Variants in WNT3 observed in about 807,000 individuals in gnomAD.
WNT3 encodes proto-oncogene Wnt-3.
Under a neutral mutation model 34.2 loss-of-function variants are expected in WNT3, and 7 were observed. That is an observed-to-expected ratio of 0.20 (90% confidence interval 0.12 to 0.38). WNT3 has a LOEUF of 0.38. Ranked by LOEUF, WNT3 falls within the 10% of genes least tolerant of loss-of-function variation. WNT3 has a pLI of 1.00. For missense variants in WNT3, 267 were observed against 499.8 expected (o/e 0.53, Z 4.44); for synonymous variants, 212 against 211.5 (o/e 1.00, Z -0.02).
In WNT3 at chr17:46,769,896, T is replaced by C; in HGVS notation, c.475A>G (p.Ser159Gly). 6.2e-7 allele frequency: 1 copy of C among 1,613,580 alleles called. No individual in the cohort carries two copies. The highest frequency in any genetic ancestry group is 8.5e-7 in the Non-Finnish European group (1 of 1,179,902). The change falls in exon 3 of 5, where the codon AGC (serine) becomes GGC (glycine). Residue 159 changes from serine (S) to glycine (G), a missense_variant. Ser to Gly is a moderately conservative substitution (Grantham distance 56). Transcript: ENST00000225512. ...AACACGCCGAAGTCAGCGTCCTCGC[T>C]GCAGCCGCCCCACTTCCAGCCTTCG... is the stretch of plus-strand genomic sequence containing the variant. ...PGEGWKWGGC[S>G]EDADFGVLVS...
At chr17:46,773,633 C>CCA in intron 2 of WNT3, 35 bp downstream of exon 2, 6 of 628,158 alleles carry the variant, frequency 9.6e-6, no homozygotes, top group South Asian at 1.7e-5. Flanking sequence ...TCCCCCCACC[C>CCA]AGCCCCTCCC....
At chr17:46,797,684 G>A (rs1285217093) in intron 1 of WNT3, among the ~76,000 whole-genome samples, 4 of 152,154 alleles carry the variant, frequency 2.6e-5, no homozygotes, top group African/African-American at 4.8e-5. Flanking sequence ...TGTGCACAGC[G>A]AGATGCACAT....
intron 1 of WNT3, among the ~76,000 whole-genome samples, chr17:46,775,459 G>A (rs1440108970): frequency 6.6e-6 from 1 of 152,162 alleles, no homozygotes; most frequent in East Asian, 1.9e-4. Flanking sequence ...TTGTCAGGGG[G>A]AGAGGCAGGT....
At chr17:46,766,898 C>T (rs185025830) in intron 4 of WNT3, among the ~76,000 whole-genome samples, 9 of 152,282 alleles carry the variant, frequency 5.9e-5, no homozygotes, top group East Asian at 5.8e-4. Flanking sequence ...GCCCTGTCCT[C>T]GGTGTCCTTT....
In WNT3 at chr17:46,768,883, C is replaced by G; in HGVS notation, c.589-84G>C. 6.4e-7 allele frequency: 1 copy of G among 1,550,606 alleles called. No individual in the cohort carries two copies. The highest frequency in any genetic ancestry group is 8.7e-7 in the Non-Finnish European group (1 of 1,151,384). ...GCCTTCCCTCTCTGCCACTGCCCAC[C>G]CCCTTCCCTCCAGCCTTCTCTACTC... is the stretch of plus-strand genomic sequence containing the variant. On this transcript the variant is annotated intron_variant, in intron 3 of 4. Coordinates refer to ENST00000225512, the MANE Select transcript of WNT3 (RefSeq NM_030753.5). This position sits in a 1 kb window ranked among gnomAD's most constrained non-coding sequence, Gnocchi z 5.0.
At chr17:46,794,845 GGTTCA>G (rs1324024081) in intron 1 of WNT3, among the ~76,000 whole-genome samples, 5 of 151,228 alleles carry the variant, frequency 3.3e-5, no homozygotes, top group Non-Finnish European at 5.9e-5. Flanking sequence ...GCACCTCCCA[GGTTCA>G]AGTGATTCTC....
At chr17:46,808,034 C>T (rs769894606) in intron 1 of WNT3, among the ~76,000 whole-genome samples, 2 of 152,102 alleles carry the variant, frequency 1.3e-5, no homozygotes, top group Non-Finnish European at 1.5e-5. Flanking sequence ...CTTTCTAGCA[C>T]GTATATGATG....
At chr17:46,766,431 G>C (rs2059314173) in intron 4 of WNT3, among the ~76,000 whole-genome samples, 1 of 152,026 alleles carries the variant, frequency 6.6e-6, no homozygotes, top group Non-Finnish European at 1.5e-5. Flanking sequence ...AGTTCTGCTG[G>C]GCTCCCATTG....
chr17:46,811,761 C>A (rs2084279328), intron 1 of WNT3, among the ~76,000 whole-genome samples: 1 of 152,164 alleles, frequency 6.6e-6, no homozygotes, highest in Non-Finnish European at 1.5e-5. Context: ...TCGAGACCAG[C>A]CTGGCCAACA....
chr17:46,810,004 CTTTTTTT>C (rs11292601), intron 1 of WNT3, among the ~76,000 whole-genome samples: 1 of 126,390 alleles, frequency 7.9e-6, no homozygotes, highest in Non-Finnish European at 1.6e-5. Flanking sequence ...TTCTTTCTTT[CTTTTTTT>C]TTTTTTTTTT....
chr17:46,790,756 C>A (rs2083974357), intron 1 of WNT3, among the ~76,000 whole-genome samples: 1 of 152,258 alleles, frequency 6.6e-6, no homozygotes, highest in Admixed American at 6.5e-5. Flanking sequence ...GATCCAGCAG[C>A]CATGAAGAAG....
At chr17:46,797,941 T>C (rs2084075302) in intron 1 of WNT3, among the ~76,000 whole-genome samples, 1 of 152,180 alleles carries the variant, frequency 6.6e-6, no homozygotes, top group South Asian at 2.1e-4. Context: ...TTTTGTTTGT[T>C]GGTTTTTTGT....
intron 1 of WNT3, among the ~76,000 whole-genome samples, chr17:46,815,116 G>A (rs923205003): frequency 3.3e-5 from 5 of 152,118 alleles, no homozygotes; most frequent in East Asian, 3.9e-4. Context: ...CACGTCCATC[G>A]CTGGAATGTA....
At chr17:46,794,722 G>A (rs910231808) in intron 1 of WNT3, among the ~76,000 whole-genome samples, 3 of 150,890 alleles carry the variant, frequency 2.0e-5, no homozygotes, top group African/African-American at 7.3e-5. Context: ...CAGCTTCCCA[G>A]GACTTTCTTT....
chr17:46,771,822 C>T (rs2059374898), intron 2 of WNT3, among the ~76,000 whole-genome samples: 1 of 144,028 alleles, frequency 6.9e-6, no homozygotes, highest in East Asian at 2.0e-4. Context: ...GCGCGGCGGC[C>T]GCGCGGTGGG....
At chr17:46,797,572 T>C (rs2084071121) in intron 1 of WNT3, among the ~76,000 whole-genome samples, 1 of 152,230 alleles carries the variant, frequency 6.6e-6, no homozygotes, top group Non-Finnish European at 1.5e-5. Context: ...ACAACCTCTT[T>C]GGAAAACAGT....
chr17:46,768,833 C>A lies in WNT3; in HGVS notation c.589-34G>T, dbSNP rs369181420. The A allele has an allele frequency of 1.9e-6, 3 of 1,605,344 alleles. No individual in the cohort carries two copies. Among genetic ancestry groups the A allele is most frequent in the Middle Eastern group, 1.9e-4 (1 of 5,310 alleles). On this transcript the variant is annotated intron_variant, in intron 3 of 4. Transcript: ENST00000225512. The surrounding 1 kb of genome is among the most constrained non-coding windows in gnomAD (Gnocchi z 5.0). ...GAGAAGTGGCAGCTGGCCAACAGAC[C>A]GACCCCACGAGGGGGCACATCCAGG...
At chr17:46,805,949 G>T (rs149197672) in intron 1 of WNT3, among the ~76,000 whole-genome samples, 3 of 152,174 alleles carry the variant, frequency 2.0e-5, no homozygotes, top group African/African-American at 7.2e-5. Flanking sequence ...TGGAGCCTTC[G>T]GCAATGGAAT....
At chr17:46,795,847 GTC>G (rs1239549967) in intron 1 of WNT3, among the ~76,000 whole-genome samples, 1 of 152,068 alleles carries the variant, frequency 6.6e-6, no homozygotes, top group Non-Finnish European at 1.5e-5. Context: ...CTTGCTCTCT[GTC>G]TCTCTCTGTC....
Sources: allele counts gnomAD v4.1 joint callset (sites outside exome capture counted in the v4.1 genomes callset), GRCh38; gene constraint gnomAD v4.1.1; non-coding constraint Gnocchi (gnomAD v3.1); transcripts MANE v1.5; gene names NCBI Gene and HGNC (gene_info 2026-07-23, HGNC 2026-07-21).